The following SORBS2 variants were observed in gnomAD, a reference collection of about 807,000 sequenced individuals.
SORBS2 encodes sorbin and SH3 domain containing 2.
SORBS2 carries 46 observed loss-of-function variants against 97.7 expected under a neutral mutation model. That is an observed-to-expected ratio of 0.47 (90% CI 0.37 to 0.60). The LOEUF is 0.60. Ranked by LOEUF, SORBS2 falls within the 20% of genes least tolerant of loss-of-function variation. The pLI is 0.00. For missense variants in SORBS2, 1,316 were observed against 1,282.3 expected, an observed-to-expected ratio of 1.03 and a Z score of -0.40; for synonymous variants, 476 against 473.4, an observed-to-expected ratio of 1.01 and a Z score of -0.07.
At chr4:185,658,860 C>T (rs1309980531), upstream of SORBS2, among the ~76,000 whole-genome samples, 6 of 151,734 alleles carry the variant, frequency 4.0e-5, no homozygotes, top group African/African-American at 1.5e-4. Flanking sequence ...AATTTTTGTA[C>T]AAAATACAAA....
intron 1 of SORBS2, among the ~76,000 whole-genome samples, chr4:185,792,854 G>T (rs373837660): frequency 6.6e-6 from 1 of 152,180 alleles, no homozygotes; most frequent in South Asian, 2.1e-4. Flanking sequence ...TGTTGACAGT[G>T]CAGGGTTTGG....
At chr4:185,635,554 T>G in intron 4 of SORBS2, 143 bp from the exon 16 acceptor site, 1 of 636,740 alleles carries the variant, frequency 1.6e-6, no homozygotes, top group East Asian at 2.9e-5. Context: ...CAGAATGACA[T>G]GAATGGAGCA....
In SORBS2 at chr4:185,602,017, T is replaced by C. The variant is rs186959544; in HGVS notation, c.2797-8082A>G. Among the ~76,000 whole-genome samples, 43 of 152,344 alleles carry C rather than the reference T, an allele frequency of 2.8e-4. No homozygotes were observed. In the East Asian group the frequency reaches 8.3e-3, roughly 29 times the overall value. ...CAGCTTATAGAGGAGCTGAGATTTA[T>C]ACTATTTTTTTTGAGATGGAGTCTC... is the stretch of plus-strand genomic sequence containing the variant. On this transcript the variant is annotated intron_variant, in intron 12 of 14. Transcript: ENST00000418609.
chr4:185,640,764 T>A (rs1467069826), intron 4 of SORBS2, among the ~76,000 whole-genome samples: 1 of 152,210 alleles, frequency 6.6e-6, no homozygotes, highest in East Asian at 1.9e-4. Flanking sequence ...GAGCTGGTTT[T>A]TAGGGTAACT....
chr4:185,793,291 G>A (rs1273555146), intron 1 of SORBS2, among the ~76,000 whole-genome samples: 1 of 152,184 alleles, frequency 6.6e-6, no homozygotes, highest in African/African-American at 2.4e-5. Flanking sequence ...CCTAGGCAGT[G>A]GCAGGATGGC....
At chr4:185,657,525 G>T, upstream of SORBS2, 1 of 1,571,932 alleles carries the variant, frequency 6.4e-7, no homozygotes, top group South Asian at 1.2e-5. Context: ...TCTGAGGATC[G>T]GTACAGGGGG....
At chr4:185,822,853 T>C (rs1378778906) in intron 1 of SORBS2, among the ~76,000 whole-genome samples, 1 of 152,220 alleles carries the variant, frequency 6.6e-6, no homozygotes, top group African/African-American at 2.4e-5. Context: ...TTTTACATTT[T>C]AAGCTAGAAT....
intron 7 of SORBS2, among the ~76,000 whole-genome samples, 166 bp downstream of exon 19, chr4:185,622,748 G>A (rs922075380): frequency 4.6e-5 from 7 of 152,302 alleles, no homozygotes; most frequent in African/African-American, 1.7e-4. Context: ...GGGCAAATGA[G>A]AAATATTCAG....
At chr4:185,859,022 C>T (rs934242863) in intron 1 of SORBS2, among the ~76,000 whole-genome samples, 34 of 152,066 alleles carry the variant, frequency 2.2e-4, no homozygotes, top group African/African-American at 8.0e-4. Context: ...TGAGTATATA[C>T]AAGGTTTTGG....
At chr4:185,818,454 G>T (rs1485928556) in intron 1 of SORBS2, among the ~76,000 whole-genome samples, 2 of 152,094 alleles carry the variant, frequency 1.3e-5, no homozygotes, top group African/African-American at 2.4e-5. Context: ...CTCCCAAAGT[G>T]CTGGGATTAC....
At chr4:185,850,895 G>A (rs2099217502) in intron 1 of SORBS2, among the ~76,000 whole-genome samples, 1 of 152,134 alleles carries the variant, frequency 6.6e-6, no homozygotes, top group African/African-American at 2.4e-5. Context: ...GGCCTGAATA[G>A]AATGAAAAGG....
intron 1 of SORBS2, among the ~76,000 whole-genome samples, chr4:185,900,857 C>T (rs2099247353): frequency 6.6e-6 from 1 of 152,144 alleles, no homozygotes; most frequent in South Asian, 2.1e-4. Context: ...ACTAAAACTA[C>T]AGACTGCTTT....
intron 4 of SORBS2, among the ~76,000 whole-genome samples, chr4:185,631,271 T>C (rs955478642): frequency 2.0e-5 from 3 of 152,258 alleles, no homozygotes; most frequent in African/African-American, 2.4e-5. Context: ...AAGCAAAATA[T>C]AACTTTTTTA....
intron 1 of SORBS2, among the ~76,000 whole-genome samples, chr4:185,841,023 A>G (rs77055242): frequency 0.051 from 7,754 of 152,288 alleles, 243 homozygotes; most frequent in African/African-American, 0.086. Context: ...GTCAGGTGGA[A>G]GAGGGCAGGA....
At chr4:185,685,762 C>T (rs140027339) in intron 2 of SORBS2, among the ~76,000 whole-genome samples, 4 of 152,324 alleles carry the variant, frequency 2.6e-5, no homozygotes, top group African/African-American at 7.2e-5. Flanking sequence ...GGCTCAAGGG[C>T]TCTTTCCGCC....
chr4:185,752,239 A>T (rs28696141), intron 2 of SORBS2, among the ~76,000 whole-genome samples: 35,833 of 152,214 alleles, frequency 0.24, 4,655 homozygotes, highest in African/African-American at 0.34. Flanking sequence ...TTAGAATTTT[A>T]AAATATGTAC....
intron 1 of SORBS2, among the ~76,000 whole-genome samples, chr4:185,923,935 G>A (rs1000575500): frequency 2.0e-5 from 3 of 152,132 alleles, no homozygotes; most frequent in Non-Finnish European, 4.4e-5. Flanking sequence ...GTTAAAAGAC[G>A]CTCAATCAAT....
intron 1 of SORBS2, among the ~76,000 whole-genome samples, chr4:185,837,445 T>G (rs1266150262): frequency 6.6e-6 from 1 of 152,222 alleles, no homozygotes; most frequent in Non-Finnish European, 1.5e-5. Context: ...TTTAATAGTT[T>G]TTTTCTTAAG....
intron 1 of SORBS2, among the ~76,000 whole-genome samples, chr4:185,917,426 C>T (rs965743562): frequency 2.0e-5 from 3 of 152,134 alleles, no homozygotes; most frequent in Non-Finnish European, 2.9e-5. Flanking sequence ...CAAGGTTTCG[C>T]CATGTTGTCC....
Sources: allele counts gnomAD v4.1 joint callset (sites outside exome capture counted in the v4.1 genomes callset), GRCh38; gene constraint gnomAD v4.1.1; transcripts MANE v1.5; gene names NCBI Gene and HGNC (gene_info 2026-07-23, HGNC 2026-07-21).